IL1RAPL2: variants seen among roughly 807,000 people sequenced by gnomAD.
IL1RAPL2 encodes the protein X-linked interleukin-1 receptor accessory protein-like 2.
Under a neutral mutation model 44.1 loss-of-function variants are expected in IL1RAPL2, and 3 were observed. The observed-to-expected ratio is 0.07, with a 90% CI of 0.03 to 0.18. The LOEUF is 0.18. Among genes scored for constraint, IL1RAPL2 ranks in the 10% least tolerant of loss-of-function variants. The pLI, the probability that IL1RAPL2 is intolerant of heterozygous loss-of-function variation, is 1.00. For missense variants in IL1RAPL2, 391 were observed against 496.4 expected (o/e 0.79, Z 2.02); for synonymous variants, 181 against 178.8 (o/e 1.01, Z -0.10).
At position 105,563,959 on chromosome X, in the gene IL1RAPL2, T is replaced by C. The variant is rs985973179; in HGVS notation, c.772+79572T>C. Among the ~76,000 whole-genome samples the C allele has an allele frequency of 3.6e-5, 4 of 111,779 alleles. No individual in the cohort carries two copies. The Admixed American group carries it at 3.8e-4, about 11-fold the overall frequency. On this transcript the variant is annotated intron_variant, in intron 6 of 10. Coordinates refer to ENST00000372582, the MANE Select transcript of IL1RAPL2 (RefSeq NM_017416.2). ...ATTTGGGCTGCTATAACAGAAATAA[T>C]GTAAACTGAATAGCTAATAAACAAC...
chrX:104,825,174 C>T (rs893211732), intron 2 of IL1RAPL2, among the ~76,000 whole-genome samples: 3 of 111,196 alleles, frequency 2.7e-5, no homozygotes, highest in Non-Finnish European at 5.7e-5. Context: ...GATGATCTGA[C>T]CTGACACAGC....
At chrX:105,360,186 G>C (rs1348658290) in intron 5 of IL1RAPL2, among the ~76,000 whole-genome samples, 1 of 111,463 alleles carries the variant, frequency 9.0e-6, no homozygotes. Flanking sequence ...CTCAAGTGAA[G>C]CAATACCTAC....
At position 105,649,884 on chromosome X, in the gene IL1RAPL2, A is replaced by G. The variant is rs191946861; in HGVS notation, c.773-67483A>G. On this transcript the variant is annotated intron_variant, in intron 6 of 10. Coordinates refer to ENST00000372582, the MANE Select transcript of IL1RAPL2 (RefSeq NM_017416.2). Reference sequence around the variant, plus strand: ...ATTGGGCATTGTCTTCCCAAGGAGGAGAGAAAAGATATCTCAAGTCTTCTG... The same window carrying G: ...ATTGGGCATTGTCTTCCCAAGGAGGGGAGAAAAGATATCTCAAGTCTTCTG... Among the ~76,000 whole-genome samples, 6 of 111,780 alleles carry G rather than the reference A, an allele frequency of 5.4e-5. No homozygotes were observed. In the Admixed American group the frequency reaches 5.7e-4, roughly 11 times the overall value.
intron 1 of IL1RAPL2, among the ~76,000 whole-genome samples, chrX:104,591,095 G>C (rs974861085): frequency 8.9e-6 from 1 of 111,934 alleles, no homozygotes; most frequent in South Asian, 3.7e-4. Flanking sequence ...ATGGGGGCAA[G>C]TGTCTGAAAT....
intron 5 of IL1RAPL2, among the ~76,000 whole-genome samples, chrX:105,309,068 C>G (rs1049315754): frequency 9.1e-6 from 1 of 110,000 alleles, no homozygotes; most frequent in Non-Finnish European, 1.9e-5. Flanking sequence ...GAGTTTTGCC[C>G]TTGTCGCCCA....
At chrX:104,770,912 G>A in intron 2 of IL1RAPL2, among the ~76,000 whole-genome samples, 1 of 111,032 alleles carries the variant, frequency 9.0e-6, no homozygotes, top group Non-Finnish European at 1.9e-5. Flanking sequence ...CTTCCAATAG[G>A]CCCCAGTGGA....
chrX:104,636,500 G>T lies in IL1RAPL2; in HGVS notation c.-19-22395G>T, dbSNP rs181424372. The stretch of plus-strand genomic sequence containing the variant: ...CTGCGGTGGACTCCACCCAGTTCAA[G>T]CTTCCTGGCCACTTTGTTTGCCTAC... On this transcript the variant is annotated intron_variant, in intron 1 of 10. Coordinates refer to ENST00000372582, the MANE Select transcript of IL1RAPL2 (RefSeq NM_017416.2). Among the ~76,000 whole-genome samples, 339 of 112,335 alleles carry T rather than the reference G, an allele frequency of 3.0e-3. 4 individuals carry two copies. The highest frequency in any genetic ancestry group is 0.028 in the Middle Eastern group (6 of 218).
At chrX:104,642,194 C>T (rs1222286920) in intron 1 of IL1RAPL2, among the ~76,000 whole-genome samples, 1 of 111,790 alleles carries the variant, frequency 8.9e-6, no homozygotes, top group African/African-American at 3.3e-5. Flanking sequence ...TGTTTCTTGT[C>T]ACTTCTCTGT....
chrX:105,030,087 T>G (rs1391413222), intron 2 of IL1RAPL2, among the ~76,000 whole-genome samples: 1 of 111,666 alleles, frequency 9.0e-6, no homozygotes, highest in Non-Finnish European at 1.9e-5. Flanking sequence ...TCGCCCACTT[T>G]TTGATGGGTT....
intron 7 of IL1RAPL2, among the ~76,000 whole-genome samples, chrX:105,732,409 TAGTG>T (rs1479313990): frequency 1.8e-5 from 2 of 110,205 alleles, no homozygotes; most frequent in African/African-American, 3.3e-5. Context: ...GTTCTCATGA[TAGTG>T]AGTGAGTTAT....
chrX:105,659,067 C>T (rs755208658), intron 6 of IL1RAPL2, among the ~76,000 whole-genome samples: 6 of 110,245 alleles, frequency 5.4e-5, no homozygotes, highest in African/African-American at 6.6e-5. Context: ...GTAGAGGTTG[C>T]GGTGAGCTGA....
chrX:105,707,183 G>T (rs377460617), intron 6 of IL1RAPL2, among the ~76,000 whole-genome samples: 13 of 111,399 alleles, frequency 1.2e-4, no homozygotes, highest in Admixed American at 1.9e-4. Context: ...AAGAATTTTT[G>T]AAAAGGCAAC....
chrX:105,219,963 C>G, intron 3 of IL1RAPL2: 1 of 1,195,833 alleles, frequency 8.4e-7, no homozygotes, highest in East Asian at 3.0e-5. Flanking sequence ...TCCAACTCAC[C>G]TTGTCTCTCT....
intron 1 of IL1RAPL2, among the ~76,000 whole-genome samples, chrX:104,611,192 G>A (rs1057230414): frequency 1.7e-4 from 19 of 111,422 alleles, no homozygotes; most frequent in Non-Finnish European, 3.4e-4. Context: ...CACTATGCTG[G>A]GAGAAACATT....
intron 2 of IL1RAPL2, among the ~76,000 whole-genome samples, chrX:104,889,539 A>T (rs1471548610): frequency 1.8e-5 from 2 of 111,827 alleles, no homozygotes; most frequent in African/African-American, 6.5e-5. Flanking sequence ...CTGGACAGGC[A>T]CCTGCACCTT....
rs780829130 is a variant in IL1RAPL2 at position 104,724,181 on chromosome X, T to G, written c.82+65186T>G. 2.7e-5 allele frequency among the ~76,000 whole-genome samples: 3 copies of G among 111,459 alleles called. No homozygotes were observed. The South Asian group carries it at 1.1e-3, about 42-fold the overall frequency. On this transcript the variant is annotated intron_variant, in intron 2 of 10. Transcript: ENST00000372582. ...AGTATGATTTGATTTGTGGGCTAAT[T>G]ATTGGATAATATGGAGCTACAGAGA... is the stretch of plus-strand genomic sequence containing the variant.
chrX:105,612,158 A>T (rs1378792493), intron 6 of IL1RAPL2, among the ~76,000 whole-genome samples: 1 of 110,713 alleles, frequency 9.0e-6, no homozygotes, highest in East Asian at 2.8e-4. Context: ...CCAGGCTGGA[A>T]TGTGATGTTG....
At chrX:105,454,156 G>A (rs781341993) in intron 5 of IL1RAPL2, among the ~76,000 whole-genome samples, 1 of 111,077 alleles carries the variant, frequency 9.0e-6, no homozygotes, top group African/African-American at 3.3e-5. Context: ...GCAGCCCCCC[G>A]TTACTAATGC....
chrX:105,705,690 T>G (rs1326593947), intron 6 of IL1RAPL2, among the ~76,000 whole-genome samples: 1 of 111,864 alleles, frequency 8.9e-6, no homozygotes, highest in Non-Finnish European at 1.9e-5. Context: ...AAACAAGTGA[T>G]AAGAAAACTA....
Sources: allele counts gnomAD v4.1 joint callset (sites outside exome capture counted in the v4.1 genomes callset), GRCh38; gene constraint gnomAD v4.1.1; transcripts MANE v1.5; gene names NCBI Gene and HGNC (gene_info 2026-07-23, HGNC 2026-07-21).